NR1I3: variants seen among roughly 807,000 people sequenced by gnomAD.
The protein encoded by NR1I3 is constitutive activator of retinoid response.
In NR1I3, 30 loss-of-function variants were observed where a neutral mutation model predicts 38.4. The ratio of observed to expected loss-of-function variants is 0.78; its 90% CI spans 0.58 to 1.06. The LOEUF is 1.06. Ranked by LOEUF, NR1I3 falls within the 50% of genes least tolerant of loss-of-function variation. NR1I3 has a pLI of 0.00. For synonymous variants in NR1I3, 143 were observed against 165.1 expected (o/e 0.87, Z 1.03); for missense variants, 388 against 435.7 (o/e 0.89, Z 0.97).
intron 2 of NR1I3, 71 bp from the exon 3 acceptor site, chr1:161,236,048 T>TA: frequency 6.6e-7 from 1 of 1,504,994 alleles, no homozygotes; most frequent in Non-Finnish European, 8.9e-7. Flanking sequence ...TGACATGGTC[T>TA]AAAAGACCTG....
At chr1:161,236,301 G>T in intron 2 of NR1I3, 158 bp downstream of exon 2, 1 of 829,124 alleles carries the variant, frequency 1.2e-6, no homozygotes, top group Non-Finnish European at 1.9e-6. Flanking sequence ...ATACAGTGAT[G>T]TGTTTGGCAA....
intron 6 of NR1I3, 40 bp downstream of exon 6, chr1:161,231,289 A>G (rs1011872356): frequency 6.2e-7 from 1 of 1,610,946 alleles, no homozygotes; most frequent in Non-Finnish European, 8.5e-7. Context: ...ATCCTGTACC[A>G]TGAGGACACA....
At chr1:161,230,131 A>G (rs1209965940) in intron 8 of NR1I3, 5 of 581,320 alleles carry the variant, frequency 8.6e-6, no homozygotes, top group Non-Finnish European at 1.5e-5. Context: ...TTCTCTCACC[A>G]TGCTCAGTTT....
At chr1:161,233,837 A>ATGTGTGTGTGTGTG (rs761756944) in intron 3 of NR1I3, among the ~76,000 whole-genome samples, 10 of 118,566 alleles carry the variant, frequency 8.4e-5, no homozygotes, top group Admixed American at 8.6e-5. Flanking sequence ...TCATATATAT[A>ATGTGTGTGTGTGTG]TGTGTGTGTG....
rs1488904179 is a variant in NR1I3 at position 161,236,447 on chromosome 1, G to A, written c.107+12C>T. On this transcript the variant is annotated intron_variant, in intron 2 of 8. Coordinates refer to ENST00000367983, the MANE Select transcript of NR1I3 (RefSeq NM_005122.5). ...TTTGGAGGGCTATTTCCATTGGGGA[G>A]GAGACTCTCACCTGAAGAAACCCTT... 6.2e-7 allele frequency: 1 copy of A among 1,614,014 alleles called. No homozygotes were observed. The highest frequency in any genetic ancestry group is 8.5e-7 in the Non-Finnish European group (1 of 1,179,962).
At chr1:161,235,757 T>C in intron 3 of NR1I3, 90 bp downstream of exon 3, 1 of 1,535,372 alleles carries the variant, frequency 6.5e-7, no homozygotes, top group Non-Finnish European at 8.9e-7. Flanking sequence ...AAAAGAGTAC[T>C]GTGCCTGCTA....
chr1:161,230,153 A>C, intron 8 of NR1I3: 1 of 526,168 alleles, frequency 1.9e-6, no homozygotes, highest in Non-Finnish European at 3.4e-6. Flanking sequence ...TTCTGAACCC[A>C]GAGCTCTGAG....
In NR1I3 at chr1:161,229,892, C is replaced by T; in HGVS notation, c.952G>A (p.Glu318Lys). Residue 318 changes from glutamate to lysine, a missense_variant, in exon 9 of 9, where the codon GAG becomes AAG. Physicochemically the swap from Glu to Lys is moderately conservative, Grantham distance 56. Transcript: ENST00000367983. Reference protein sequence around the residue: ...LYAKLLGLLAELRSINEAYGY... With the variant: ...LYAKLLGLLAKLRSINEAYGY... ...TAGGCCTCATTAATGCTCCGGAGCTCAGCCAGCAGGCCTAGCAACTTCGCA... is the reference window on the plus strand; with the variant it reads ...TAGGCCTCATTAATGCTCCGGAGCTTAGCCAGCAGGCCTAGCAACTTCGCA... 1.2e-6 allele frequency: 2 copies of T among 1,614,166 alleles called. No homozygotes were observed.
At position 161,236,609 on chromosome 1, in the gene NR1I3, GA is replaced by G; in HGVS notation, c.-33-12del. The G allele has an allele frequency of 6.2e-7, 1 of 1,612,064 alleles. No homozygotes were observed. Among genetic ancestry groups the G allele is most frequent in the Non-Finnish European group, 8.5e-7 (1 of 1,179,314 alleles). On this transcript the variant is annotated splice_polypyrimidine_tract_variant and intron_variant, in intron 1 of 8. Coordinates refer to ENST00000367983, the MANE Select transcript of NR1I3 (RefSeq NM_005122.5). ...GGCTGTCACAGACTCCTGAATGTAG[GA>G]GGGGTCAGCAGTCAGTTTTGGGCCA...
Position 161,231,436 on chromosome 1 carries a change from C to G in NR1I3, c.587G>C (p.Gly196Ala), listed in dbSNP as rs1442102305. Residue 196 changes from glycine (G) to alanine (A), a missense_variant, in exon 6 of 9, where the codon GGA (glycine) becomes GCA (alanine). Physicochemically the swap from Gly to Ala is moderately conservative, Grantham distance 60 (BLOSUM62 0). Transcript: ENST00000367983. ...PIEDQISLLK[G>A]AAVEICHIVL... ...GATGTGACAGATTTCCACAGCTGCT[C>G]CCTTGAGAAGGGAGATCTGGTCTTC... is the stretch of plus-strand genomic sequence containing the variant. The G allele has an allele frequency of 6.3e-7, 1 of 1,574,872 alleles. No homozygotes were observed. The highest frequency in any genetic ancestry group is 2.2e-5 in the Admixed American group (1 of 45,952).
intron 8 of NR1I3, 143 bp downstream of exon 8, chr1:161,230,670 A>C: frequency 4.1e-5 from 41 of 993,346 alleles, no homozygotes; most frequent in Non-Finnish European, 5.6e-5. Context: ...TGAGACAGGG[A>C]TGGCCAGGGG....
chr1:161,237,997 G>A (rs1303333161), intron 1 of NR1I3, 44 bp downstream of exon 1: 2 of 1,565,460 alleles, frequency 1.3e-6, no homozygotes, highest in Non-Finnish European at 8.8e-7. Context: ...AGCATTATCT[G>A]TATTTTATTA....
chr1:161,237,461 T>C (rs1285440067), intron 1 of NR1I3, among the ~76,000 whole-genome samples: 1 of 151,860 alleles, frequency 6.6e-6, no homozygotes, highest in Non-Finnish European at 1.5e-5. Context: ...GTCTCATGCC[T>C]GTAATTCCAG....
intron 3 of NR1I3, 184 bp downstream of exon 3, chr1:161,235,663 G>C (rs1668469428): frequency 1.6e-6 from 1 of 622,804 alleles, no homozygotes; most frequent in South Asian, 1.9e-5. Context: ...TGTTGTGGGA[G>C]AGCTAGATCA....
chr1:161,234,297 C>T (rs983456365), intron 3 of NR1I3, among the ~76,000 whole-genome samples: 2 of 151,946 alleles, frequency 1.3e-5, no homozygotes, highest in East Asian at 3.9e-4. Context: ...GCCACTGCAC[C>T]CAGCCCAATC....
chr1:161,233,093 A>G, intron 4 of NR1I3, 76 bp downstream of exon 4: 1 of 1,584,910 alleles, frequency 6.3e-7, no homozygotes, highest in Non-Finnish European at 8.6e-7. Flanking sequence ...TGCATGGCAT[A>G]CACCCCTCTC....
Position 161,233,252 on chromosome 1 carries a change from C to T in NR1I3, c.325G>A (p.Glu109Lys), listed in dbSNP as rs1333006437. Residue 109 changes from glutamate (E) to lysine (K), a missense_variant, in exon 4 of 9, where the codon GAG becomes AAG. Physicochemically the swap from Glu to Lys is moderately conservative, Grantham distance 56. Coordinates refer to ENST00000367983, the MANE Select transcript of NR1I3 (RefSeq NM_005122.5). The stretch of plus-strand genomic sequence containing the variant: ...AGTGTCCGGATCAGCTCTTCTTGCT[C>T]CTTACTCAGTTGCACAGGTGTTTGC... ...AQQTPVQLSK[E>K]QEELIRTLLG... The T allele has an allele frequency of 6.2e-7, 1 of 1,614,166 alleles. No homozygotes were observed. Among genetic ancestry groups the T allele is most frequent in the Admixed American group, 1.7e-5 (1 of 60,022 alleles).
chr1:161,236,479 C>T lies in NR1I3; in HGVS notation c.87G>A (p.Glu29=). Residue 29 remains glutamate, a synonymous_variant, in exon 2 of 9, where the codon GAG becomes GAA. Coordinates refer to ENST00000367983, the MANE Select transcript of NR1I3 (RefSeq NM_005122.5). ...TGYHFNALTC[E]GCKGFFRRTV... ...CTCACCTGAAGAAACCCTTGCAGCC[C>T]TCACAAGTCAGCGCATTAAAGTGGT... 6.2e-7 allele frequency: 1 copy of T among 1,614,178 alleles called. No individual in the cohort carries two copies. The highest frequency in any genetic ancestry group is 8.5e-7 in the Non-Finnish European group (1 of 1,180,036).
At chr1:161,233,887 G>GTGTGTATA (rs1412063883) in intron 3 of NR1I3, among the ~76,000 whole-genome samples, 5 of 100,640 alleles carry the variant, frequency 5.0e-5, no homozygotes, top group Non-Finnish European at 8.3e-5. Context: ...GTGTGTGTGT[G>GTGTGTATA]TATATGTGTG....
Sources: gnomAD v4.1 joint callset for allele counts (sites outside exome capture counted in the v4.1 genomes callset) on GRCh38, gnomAD v4.1.1 for gene constraint, MANE v1.5 for transcripts, NCBI Gene and HGNC (gene_info 2026-07-23, HGNC 2026-07-21) for gene names.